The following TEC variants were observed in gnomAD, a reference collection of about 807,000 sequenced individuals.
The protein encoded by TEC is tyrosine-protein kinase Tec.
Under a neutral mutation model 93.0 loss-of-function variants are expected in TEC, and 72 were observed. That is an observed-to-expected ratio of 0.77 (90% CI 0.64 to 0.94). The LOEUF (loss-of-function observed/expected upper bound fraction) is 0.94. TEC is among the 40% of genes least tolerant of loss of function. The pLI, the probability that TEC is intolerant of heterozygous loss-of-function variation, is 0.00. For synonymous variants in TEC, 249 were observed against 247.7 expected (o/e 1.01, Z -0.05); for missense variants, 630 against 757.9 (o/e 0.83, Z 1.98).
intron 1 of TEC, among the ~76,000 whole-genome samples, chr4:48,264,381 C>T (rs6835615): frequency 0.1 from 15,291 of 152,232 alleles, 902 homozygotes; most frequent in East Asian, 0.24. Flanking sequence ...CTCCTTCACC[C>T]TTCAGGGGGT....
intron 2 of TEC, among the ~76,000 whole-genome samples, chr4:48,201,624 T>C (rs1722512141): frequency 6.6e-6 from 1 of 152,036 alleles, no homozygotes; most frequent in African/African-American, 2.4e-5. Context: ...ACCGAAGCAG[T>C]AGGGAGAGAG....
chr4:48,268,516 T>C (rs1007924044), intron 1 of TEC, among the ~76,000 whole-genome samples: 44 of 152,376 alleles, frequency 2.9e-4, no homozygotes, highest in African/African-American at 1.0e-3. Context: ...TTCAAATACA[T>C]AATGTGAAAG....
intron 2 of TEC, among the ~76,000 whole-genome samples, chr4:48,221,427 G>C (rs1723257604): frequency 6.6e-6 from 1 of 152,192 alleles, no homozygotes; most frequent in African/African-American, 2.4e-5. Flanking sequence ...ACCATGCGAA[G>C]AGGTATGTGT....
intron 8 of TEC, among the ~76,000 whole-genome samples, chr4:48,160,623 A>G (rs1449198053): frequency 6.6e-6 from 1 of 151,536 alleles, no homozygotes; most frequent in Non-Finnish European, 1.5e-5. Flanking sequence ...GCTACCCAGG[A>G]GGTTGAGGCA....
intron 7 of TEC, among the ~76,000 whole-genome samples, chr4:48,165,627 C>G (rs891163438): frequency 6.6e-6 from 1 of 152,222 alleles, no homozygotes; most frequent in Non-Finnish European, 1.5e-5. Context: ...GATCAAGCCT[C>G]TAGCTCTACT....
At chr4:48,242,067 T>C (rs1723936167) in intron 1 of TEC, among the ~76,000 whole-genome samples, 1 of 152,184 alleles carries the variant, frequency 6.6e-6, no homozygotes, top group Non-Finnish European at 1.5e-5. Context: ...ACTTTAAAAG[T>C]GGTAATGTGC....
intron 1 of TEC, among the ~76,000 whole-genome samples, chr4:48,267,417 T>C (rs1429425254): frequency 1.3e-5 from 2 of 152,360 alleles, no homozygotes; most frequent in East Asian, 3.9e-4. Flanking sequence ...CAGGCGTGTT[T>C]GGAGGTGGAG....
intron 8 of TEC, among the ~76,000 whole-genome samples, chr4:48,160,736 A>AG (rs1720598790): frequency 7.2e-6 from 1 of 138,982 alleles, no homozygotes; most frequent in African/African-American, 2.6e-5. Flanking sequence ...CCAGAAAAAA[A>AG]AAAAGAAAGA....
intron 2 of TEC, among the ~76,000 whole-genome samples, chr4:48,215,486 A>G (rs975412402): frequency 2.6e-5 from 4 of 152,214 alleles, no homozygotes; most frequent in Non-Finnish European, 5.9e-5. Flanking sequence ...CAGTCTGGGC[A>G]ATAGAGTGAG....
chr4:48,244,385 C>T (rs1226023566), intron 1 of TEC, among the ~76,000 whole-genome samples: 4 of 152,176 alleles, frequency 2.6e-5, no homozygotes, highest in East Asian at 1.9e-4. Flanking sequence ...CACATCTTAA[C>T]GTGGATGGCG....
At chr4:48,174,514 C>G (rs1271055986) in intron 3 of TEC, among the ~76,000 whole-genome samples, 1 of 152,038 alleles carries the variant, frequency 6.6e-6, no homozygotes, top group Non-Finnish European at 1.5e-5. Context: ...CAAAAATTAG[C>G]CAGGCATGGT....
At chr4:48,156,962 T>C (rs1248007088) in intron 8 of TEC, among the ~76,000 whole-genome samples, 2 of 152,206 alleles carry the variant, frequency 1.3e-5, no homozygotes, top group Non-Finnish European at 2.9e-5. Context: ...TATTCTTATG[T>C]TTCATTAAAG....
At chr4:48,143,839 A>G (rs1030295021) in intron 14 of TEC, among the ~76,000 whole-genome samples, 11 of 152,234 alleles carry the variant, frequency 7.2e-5, no homozygotes, top group African/African-American at 2.7e-4. Context: ...GAATAATAAG[A>G]AAATCTACTT....
chr4:48,139,242 C>CGTA (rs1719562996), intron 15 of TEC, among the ~76,000 whole-genome samples: 1 of 152,214 alleles, frequency 6.6e-6, no homozygotes, highest in African/African-American at 2.4e-5. Flanking sequence ...ACCACGTTAC[C>CGTA]ATCTGCACTT....
At chr4:48,139,564 A>G (rs1719575020) in intron 15 of TEC, among the ~76,000 whole-genome samples, 1 of 152,246 alleles carries the variant, frequency 6.6e-6, no homozygotes, top group Admixed American at 6.5e-5. Flanking sequence ...GTATGTATTT[A>G]TACATAACAT....
chr4:48,171,635 T>G (rs1721117081), intron 3 of TEC, among the ~76,000 whole-genome samples, 186 bp from the exon 4 acceptor site: 2 of 152,184 alleles, frequency 1.3e-5, no homozygotes, highest in Non-Finnish European at 2.9e-5. Context: ...ATTTCTACAT[T>G]AAGTAGAATA....
intron 8 of TEC, among the ~76,000 whole-genome samples, chr4:48,159,471 C>T (rs1720535146): frequency 6.6e-6 from 1 of 152,162 alleles, no homozygotes; most frequent in African/African-American, 2.4e-5. Context: ...CGGCTCACTG[C>T]AACCTCCACC....
intron 1 of TEC, among the ~76,000 whole-genome samples, chr4:48,261,697 A>G (rs973976915): frequency 2.4e-4 from 36 of 152,328 alleles, no homozygotes; most frequent in African/African-American, 6.0e-4. Context: ...AGGGAGTTTC[A>G]CCTTGTAAGT....
intron 3 of TEC, among the ~76,000 whole-genome samples, chr4:48,174,720 T>C (rs1400452411): frequency 2.0e-5 from 3 of 151,972 alleles, no homozygotes; most frequent in Non-Finnish European, 4.4e-5. Context: ...CCATTATATA[T>C]GCATTAAACA....
Sources: gnomAD v4.1 joint callset for allele counts (sites outside exome capture counted in the v4.1 genomes callset) on GRCh38, gnomAD v4.1.1 for gene constraint, MANE v1.5 for transcripts, NCBI Gene and HGNC (gene_info 2026-07-23, HGNC 2026-07-21) for gene names.